Variants in MAMLD1 observed in about 807,000 individuals in gnomAD.
MAMLD1 encodes the protein mastermind like domain containing 1.
MAMLD1 carries 14 observed loss-of-function variants against 45.0 expected under a neutral mutation model. The observed-to-expected ratio is 0.31, with a 90% CI of 0.21 to 0.49. MAMLD1 has a LOEUF of 0.49. Among genes scored for constraint, MAMLD1 ranks in the 20% least tolerant of loss-of-function variants. MAMLD1 has a pLI of 0.99. For synonymous variants in MAMLD1, 254 were observed against 247.8 expected, an observed-to-expected ratio of 1.02 and a Z score of -0.24; for missense variants, 543 against 603.6, an observed-to-expected ratio of 0.90 and a Z score of 1.05.
chrX:150,411,608 A>G (rs5924643), intron 1 of MAMLD1, among the ~76,000 whole-genome samples: 46,268 of 110,673 alleles, frequency 0.42, 7,317 homozygotes, highest in Middle Eastern at 0.47. Context: ...GCTTTAATGA[A>G]CAGAGGGGAT....
chrX:150,449,353 C>T (rs782458033), intron 2 of MAMLD1, among the ~76,000 whole-genome samples: 3 of 111,056 alleles, frequency 2.7e-5, no homozygotes, highest in African/African-American at 9.8e-5. Flanking sequence ...GGGCTGAAGA[C>T]GGGGGAGAGA....
rs2034006706 is a variant in MAMLD1 at position 150,406,729 on chromosome X, A to G, written c.-63-38725A>G. Among the ~76,000 whole-genome samples the G allele has an allele frequency of 3.6e-5, 4 of 112,046 alleles. No homozygotes were observed. The Admixed American group carries it at 3.8e-4, about 11-fold the overall frequency. On this transcript the variant is annotated intron_variant, in intron 1 of 7. Coordinates refer to ENST00000370401, the MANE Select transcript of MAMLD1 (RefSeq NM_005491.5). ...GGCAGAAGAGCAGAGCCACCCTGGTATGATTCAGCCCCAAGAGGATGAGAC... is the reference window on the plus strand; with the variant it reads ...GGCAGAAGAGCAGAGCCACCCTGGTGTGATTCAGCCCCAAGAGGATGAGAC...
At chrX:150,453,029 A>G (rs782600814) in intron 2 of MAMLD1, among the ~76,000 whole-genome samples, 4 of 110,790 alleles carry the variant, frequency 3.6e-5, no homozygotes, top group East Asian at 2.9e-4. Context: ...CCTTACTTGC[A>G]CTACGGAAGA....
intron 1 of MAMLD1, among the ~76,000 whole-genome samples, chrX:150,429,232 G>A (rs2078006858): frequency 9.1e-6 from 1 of 110,280 alleles, no homozygotes; most frequent in Admixed American, 9.6e-5. Flanking sequence ...ATTTGTATGA[G>A]GTCACTCCTG....
intron 1 of MAMLD1, among the ~76,000 whole-genome samples, chrX:150,416,343 G>A (rs988326543): frequency 5.4e-5 from 6 of 111,485 alleles, no homozygotes; most frequent in Non-Finnish European, 9.4e-5. Flanking sequence ...GGAACTCGAC[G>A]TAACACAGGC....
In MAMLD1 at chrX:150,471,101, A is replaced by G. The variant is rs990732997; in HGVS notation, c.1528A>G (p.Ile510Val). 2 of 1,208,747 alleles carry G rather than the reference A, an allele frequency of 1.7e-6. No homozygotes were observed. The highest frequency in any genetic ancestry group is 2.2e-6 in the Non-Finnish European group (2 of 894,937). Residue 510 changes from isoleucine to valine, a missense_variant, in exon 4 of 8, where the codon ATA (isoleucine) becomes GTA (valine). Physicochemically the swap from Ile to Val is conservative, Grantham distance 29. Transcript: ENST00000370401. ...QQQANVIFKP[I>V]SSNSSKTLSM... ...GCAAGCAAATGTGATCTTTAAGCCC[A>G]TAAGCAGCAACTCATCCAAAACCCT...
chrX:150,384,489 C>T (rs939334997), intron 1 of MAMLD1, among the ~76,000 whole-genome samples: 1 of 111,782 alleles, frequency 8.9e-6, no homozygotes, highest in African/African-American at 3.3e-5. Context: ...GAACTGTAAG[C>T]ATTGTTTATA....
chrX:150,511,035 A>G (rs1160202597), intron 7 of MAMLD1, among the ~76,000 whole-genome samples: 1 of 112,000 alleles, frequency 8.9e-6, no homozygotes, highest in African/African-American at 3.3e-5. Flanking sequence ...CATGATAATA[A>G]AAGAACCTAG....
chrX:150,390,659 G>C (rs1337310335), intron 1 of MAMLD1, among the ~76,000 whole-genome samples: 1 of 112,036 alleles, frequency 8.9e-6, no homozygotes, highest in Non-Finnish European at 1.9e-5. Flanking sequence ...TATCAAATAA[G>C]ATGGCATTAT....
At chrX:150,404,111 T>C (rs1470772259) in intron 1 of MAMLD1, among the ~76,000 whole-genome samples, 1 of 104,760 alleles carries the variant, frequency 9.5e-6, no homozygotes. Flanking sequence ...AGATCAGCCC[T>C]TCTGAGAGCC....
chrX:150,504,914 G>A (rs1339435047), intron 6 of MAMLD1: 23 of 751,514 alleles, frequency 3.1e-5, no homozygotes, highest in Non-Finnish European at 3.6e-5. Flanking sequence ...GAGTCAGTGC[G>A]AGACAGAGGA....
rs1295050134 is a variant in MAMLD1, at chrX:150,513,209, A to G, written c.*1250A>G. Reference sequence around the variant, plus strand: ...ATGCTTATCCCTCTCTCTACCTGTGACAAAATGGAAAGCTGGTGATTTTTC... The same window carrying G: ...ATGCTTATCCCTCTCTCTACCTGTGGCAAAATGGAAAGCTGGTGATTTTTC... On this transcript the variant is annotated 3_prime_UTR_variant, in exon 8 of 8. Coordinates refer to ENST00000370401, the MANE Select transcript of MAMLD1 (RefSeq NM_005491.5). 1 of 519,033 alleles carries G rather than the reference A, an allele frequency of 1.9e-6. No individual in the cohort carries two copies. The highest frequency in any genetic ancestry group is 2.3e-5 in the African/African-American group (1 of 42,872). 42.8% of individuals were successfully genotyped at this position (519,033 alleles called of 1,213,427 possible).
At chrX:150,489,660 G>A (rs1245209529) in intron 5 of MAMLD1, among the ~76,000 whole-genome samples, 2 of 109,069 alleles carry the variant, frequency 1.8e-5, no homozygotes, top group Non-Finnish European at 3.8e-5. Flanking sequence ...TGGGGCAGTG[G>A]GGGTGTGGCA....
At position 150,483,845 on chromosome X, in the gene MAMLD1, G is replaced by A. The variant is rs141687733; in HGVS notation, c.2040+10043G>A. 2.0e-4 allele frequency among the ~76,000 whole-genome samples: 23 copies of A among 112,640 alleles called. No homozygotes were observed. The East Asian group carries it at 6.4e-3, about 31-fold the overall frequency. On this transcript the variant is annotated intron_variant, in intron 5 of 7. Transcript: ENST00000370401. ...TCTGGCTGCCATTTCACATACCACA[G>A]TGACAGCTTCACATGGTAAGAAAAG... is the stretch of plus-strand genomic sequence containing the variant.
At chrX:150,435,469 G>A (rs1477724655) in intron 1 of MAMLD1, among the ~76,000 whole-genome samples, 1 of 111,667 alleles carries the variant, frequency 9.0e-6, no homozygotes, top group Non-Finnish European at 1.9e-5. Flanking sequence ...AGTTGAGGTT[G>A]TGCCACTTCA....
chrX:150,499,855 G>T (rs998050049), intron 5 of MAMLD1, among the ~76,000 whole-genome samples: 4 of 111,291 alleles, frequency 3.6e-5, no homozygotes, highest in Non-Finnish European at 7.5e-5. Context: ...TCTACTGATG[G>T]GTTTTATAAA....
At chrX:150,392,537 T>G (rs1401133202) in intron 1 of MAMLD1, among the ~76,000 whole-genome samples, 2 of 110,401 alleles carry the variant, frequency 1.8e-5, no homozygotes, top group African/African-American at 6.6e-5. Context: ...CTTGGGCCCC[T>G]GACACCTCTG....
At chrX:150,487,239 C>T (rs1433787207) in intron 5 of MAMLD1, among the ~76,000 whole-genome samples, 2 of 111,887 alleles carry the variant, frequency 1.8e-5, no homozygotes, top group African/African-American at 6.5e-5. Flanking sequence ...TCTATACTGA[C>T]TTATGATGGA....
chrX:150,477,770 C>T (rs1329301512), intron 5 of MAMLD1, among the ~76,000 whole-genome samples: 1 of 111,916 alleles, frequency 8.9e-6, no homozygotes, highest in Non-Finnish European at 1.9e-5. Flanking sequence ...AGCTAAGTTC[C>T]ACCTGCAGCC....
Sources: gnomAD v4.1 joint callset for allele counts (sites outside exome capture counted in the v4.1 genomes callset) on GRCh38, gnomAD v4.1.1 for gene constraint, MANE v1.5 for transcripts, NCBI Gene and HGNC (gene_info 2026-07-23, HGNC 2026-07-21) for gene names.